CPAP: variants seen among roughly 807,000 people sequenced by gnomAD.
CPAP encodes the protein centrosomal P4.1-associated protein.
chr13:24,925,339 G>A, the CPAP span, among the ~76,000 whole-genome samples: 6 of 152,116 alleles, frequency 3.9e-5, no homozygotes, highest in Non-Finnish European at 5.9e-5. Context: ...TTTCATTGCT[G>A]GTCTGATGGT....
chr13:24,888,504 C>T, the CPAP span, among the ~76,000 whole-genome samples: 792 of 152,248 alleles, frequency 5.2e-3, 8 homozygotes, highest in African/African-American at 0.018. Flanking sequence ...CACCATTTTA[C>T]ATCAACTGGC....
chr13:24,906,946 T>C, the CPAP span: 4 of 1,613,734 alleles, frequency 2.5e-6, no homozygotes, highest in East Asian at 6.7e-5. Flanking sequence ...TGATTGGCAA[T>C]GGTCCTTCTG....
chr13:24,918,821 G>C, the CPAP span, among the ~76,000 whole-genome samples: 1 of 152,182 alleles, frequency 6.6e-6, no homozygotes, highest in East Asian at 1.9e-4. Flanking sequence ...AGAAAGGGTT[G>C]GTTTTGCTGT....
the CPAP span, chr13:24,910,007 G>A: frequency 5.0e-6 from 8 of 1,614,074 alleles, no homozygotes; most frequent in Admixed American, 1.7e-5. Flanking sequence ...ATGGGAAGCA[G>A]CATGTGGCTC....
the CPAP span, chr13:24,909,921 C>G: frequency 6.2e-7 from 1 of 1,614,152 alleles, no homozygotes; most frequent in Middle Eastern, 1.7e-4. Context: ...AGCAGTTCTA[C>G]AGAAGTTGCT....
chr13:24,930,920 A>T, the CPAP span, among the ~76,000 whole-genome samples: 41 of 152,212 alleles, frequency 2.7e-4, no homozygotes, highest in African/African-American at 9.2e-4. Flanking sequence ...GCTAATTTAC[A>T]TCCCCACCAA....
At chr13:24,890,157 G>T in the CPAP span, among the ~76,000 whole-genome samples, 1 of 152,250 alleles carries the variant, frequency 6.6e-6, no homozygotes, top group African/African-American at 2.4e-5. Context: ...GCATTTAGGG[G>T]TGAATTGCCA....
chr13:24,897,268 G>A, the CPAP span, among the ~76,000 whole-genome samples: 2 of 152,120 alleles, frequency 1.3e-5, no homozygotes, highest in Admixed American at 6.5e-5. Flanking sequence ...CTAAAATTTG[G>A]CATGATGTTT....
chr13:24,883,864 G>T, the CPAP span: 1 of 1,348,968 alleles, frequency 7.4e-7, no homozygotes, highest in Non-Finnish European at 1.1e-6. Flanking sequence ...TAATATGGGT[G>T]TCACATATCA....
chr13:24,884,081 T>C, the CPAP span: 2 of 1,584,574 alleles, frequency 1.3e-6, no homozygotes, highest in Admixed American at 1.8e-5. Flanking sequence ...GGGTAATGTT[T>C]TTCTGTTTAA....
chr13:24,882,904 AAC>A, the CPAP span: 1 of 439,720 alleles, frequency 2.3e-6, no homozygotes, highest in African/African-American at 2.0e-5. Context: ...CTAACCAATA[AAC>A]ACACCCACTT....
the CPAP span, among the ~76,000 whole-genome samples, chr13:24,926,859 C>T: frequency 6.6e-6 from 1 of 152,092 alleles, no homozygotes; most frequent in Non-Finnish European, 1.5e-5. Flanking sequence ...AGCTGCTAGC[C>T]CATCTACAAA....
chr13:24,919,545 G>A, the CPAP span, among the ~76,000 whole-genome samples: 4 of 151,432 alleles, frequency 2.6e-5, no homozygotes, highest in East Asian at 1.9e-4. Context: ...TCAAGCCTCC[G>A]GAGTAGCCAG....
At chr13:24,906,480 T>C in the CPAP span, 2 of 1,614,224 alleles carry the variant, frequency 1.2e-6, no homozygotes, top group South Asian at 1.1e-5. Context: ...TTACCTTGTG[T>C]CTTATTCCAC....
At chr13:24,920,619 C>CT in the CPAP span, among the ~76,000 whole-genome samples, 25,254 of 125,230 alleles carry the variant, frequency 0.2, 3,142 homozygotes, top group East Asian at 0.27. Context: ...AATATGATTC[C>CT]TTTTTTTTTT....
At chr13:24,923,017 C>A in the CPAP span, 1 of 152,336 alleles carries the variant, frequency 6.6e-6, no homozygotes, top group Non-Finnish European at 1.5e-5. Context: ...GCCTTCCGAC[C>A]AGCAGCGGGC....
At chr13:24,908,396 C>T in the CPAP span, among the ~76,000 whole-genome samples, 2 of 133,584 alleles carry the variant, frequency 1.5e-5, no homozygotes, top group Non-Finnish European at 1.5e-5. Context: ...GCCAGGAATT[C>T]GAGCCCAGCC....
chr13:24,882,814 A>G, the CPAP span: 2 of 276,398 alleles, frequency 7.2e-6, no homozygotes, highest in Non-Finnish European at 1.4e-5. Context: ...GTACAAGTCC[A>G]GTGCTCTACG....
chr13:24,921,393 G>A, the CPAP span, among the ~76,000 whole-genome samples: 2 of 152,126 alleles, frequency 1.3e-5, no homozygotes, highest in African/African-American at 4.8e-5. Flanking sequence ...CACCTGGTCT[G>A]TACGCCTGGA....
Sources: gnomAD v4.1 joint callset for allele counts (sites outside exome capture counted in the v4.1 genomes callset) on GRCh38, gnomAD v4.1.1 for gene constraint, MANE v1.5 for transcripts, NCBI Gene and HGNC (gene_info 2026-07-23, HGNC 2026-07-21) for gene names.